The following SUGCT variants were observed in gnomAD, a reference collection of about 807,000 sequenced individuals.
SUGCT encodes the protein succinyl-CoA:glutarate CoA-transferase.
SUGCT carries 41 observed loss-of-function variants against 55.0 expected under a neutral mutation model. That is an observed-to-expected ratio of 0.74 (90% CI 0.58 to 0.97). The LOEUF (loss-of-function observed/expected upper bound fraction) is 0.97, where lower values mean the gene tolerates loss of function less well. Ranked by LOEUF, SUGCT falls within the 50% of genes least tolerant of loss-of-function variation. The probability of loss-of-function intolerance (pLI) is 0.00; values close to 1 mark genes in which losing one functional copy is unlikely to be tolerated. For missense variants in SUGCT, 568 were observed against 547.8 expected, an observed-to-expected ratio of 1.04 and a Z score of -0.37; for synonymous variants, 187 against 200.4, an observed-to-expected ratio of 0.93 and a Z score of 0.56.
intron 12 of SUGCT, among the ~76,000 whole-genome samples, chr7:40,571,993 A>G (rs1584016387): frequency 6.6e-6 from 1 of 152,158 alleles, no homozygotes; most frequent in Non-Finnish European, 1.5e-5. Flanking sequence ...CTTACCTCCA[A>G]ACCTCACTCC....
At chr7:40,154,871 T>A (rs1213442042) in intron 1 of SUGCT, among the ~76,000 whole-genome samples, 9 of 152,188 alleles carry the variant, frequency 5.9e-5, no homozygotes, top group Admixed American at 5.2e-4. Context: ...CCTTAAAAAT[T>A]AAAATGCACA....
the SUGCT span, among the ~76,000 whole-genome samples, chr7:40,951,824 G>C: frequency 1.3e-5 from 2 of 152,226 alleles, no homozygotes; most frequent in Admixed American, 1.3e-4. Flanking sequence ...GAGACAGTTT[G>C]TTATAATTTC....
chr7:40,344,023 A>G (rs1208182014), intron 9 of SUGCT, among the ~76,000 whole-genome samples: 1 of 152,116 alleles, frequency 6.6e-6, no homozygotes, highest in African/African-American at 2.4e-5. Flanking sequence ...GAGGTTGCGT[A>G]TTGGATATTC....
At chr7:40,278,697 CTCTCA>C (rs1792712667) in intron 8 of SUGCT, among the ~76,000 whole-genome samples, 1 of 151,754 alleles carries the variant, frequency 6.6e-6, no homozygotes, top group Non-Finnish European at 1.5e-5. Flanking sequence ...CTTTTTTTCT[CTCTCA>C]TCTTTCTTTA....
chr7:40,414,968 T>C (rs1038698971), intron 9 of SUGCT, among the ~76,000 whole-genome samples: 1 of 148,796 alleles, frequency 6.7e-6, no homozygotes, highest in African/African-American at 2.5e-5. Flanking sequence ...TTGCTAGAAC[T>C]CTGGGGGCGG....
intron 9 of SUGCT, among the ~76,000 whole-genome samples, chr7:40,425,762 A>G (rs186789331): frequency 3.3e-5 from 5 of 152,244 alleles, no homozygotes; most frequent in African/African-American, 1.2e-4. Flanking sequence ...GTATGTTCAC[A>G]TAACAATTAT....
Position 40,336,221 on chromosome 7 carries a change from T to C in SUGCT, c.816+19366T>C, listed in dbSNP as rs546732102. ...GGTCTAAGATTCTCTTTTTTTGTTG[T>C]ATCTCTGCCAGGCTTTGATATCAGG... On this transcript the variant is annotated intron_variant, in intron 9 of 13. Coordinates refer to ENST00000335693, the MANE Select transcript of SUGCT (RefSeq NM_001193313.2). 1.4e-4 allele frequency among the ~76,000 whole-genome samples: 21 copies of C among 152,278 alleles called. No individual in the cohort carries two copies. In the East Asian group the frequency reaches 4.1e-3, roughly 29 times the overall value.
chr7:40,914,062 GT>G, the SUGCT span, among the ~76,000 whole-genome samples: 80 of 143,848 alleles, frequency 5.6e-4, no homozygotes, highest in Middle Eastern at 3.7e-3. Flanking sequence ...TTTTTTTTCA[GT>G]TTTTTTTTTT....
intron 12 of SUGCT, among the ~76,000 whole-genome samples, chr7:40,641,695 CA>C (rs1485384327): frequency 6.6e-6 from 1 of 152,164 alleles, no homozygotes; most frequent in Non-Finnish European, 1.5e-5. Flanking sequence ...CAGGAAAATT[CA>C]AAAATGTTCC....
chr7:41,012,017 C>T, the SUGCT span, among the ~76,000 whole-genome samples: 1 of 152,130 alleles, frequency 6.6e-6, no homozygotes, highest in Non-Finnish European at 1.5e-5. Context: ...GCATCTTTCT[C>T]GAGTGCAGCC....
chr7:40,274,794 G>C (rs1792353539), intron 8 of SUGCT, 138 bp downstream of exon 8: 2 of 834,678 alleles, frequency 2.4e-6, no homozygotes, highest in South Asian at 3.6e-5. Flanking sequence ...GTTTCATTTT[G>C]ATGTACTTGT....
intron 1 of SUGCT, among the ~76,000 whole-genome samples, chr7:40,168,910 G>C (rs1395900237): frequency 6.6e-6 from 1 of 151,926 alleles, no homozygotes; most frequent in African/African-American, 2.4e-5. Context: ...TTTTGGCTTC[G>C]GTATCTGCTT....
chr7:40,420,266 G>T (rs1787234920), intron 9 of SUGCT, among the ~76,000 whole-genome samples: 1 of 152,082 alleles, frequency 6.6e-6, no homozygotes, highest in Non-Finnish European at 1.5e-5. Context: ...GGGAAAGGAA[G>T]GTATGTGAAA....
intron 12 of SUGCT, among the ~76,000 whole-genome samples, chr7:40,685,001 T>C (rs1239215274): frequency 1.3e-5 from 2 of 152,102 alleles, no homozygotes; most frequent in Non-Finnish European, 2.9e-5. Context: ...TGGATAATTT[T>C]TGTGTGTGTT....
At chr7:40,342,445 CCT>C (rs1214073900) in intron 9 of SUGCT, among the ~76,000 whole-genome samples, 2 of 152,062 alleles carry the variant, frequency 1.3e-5, no homozygotes, top group Non-Finnish European at 1.5e-5. Flanking sequence ...GCTACACACC[CCT>C]GTTTAGTTCG....
At chr7:40,609,338 G>A (rs529549187) in intron 12 of SUGCT, among the ~76,000 whole-genome samples, 9 of 151,884 alleles carry the variant, frequency 5.9e-5, no homozygotes, top group East Asian at 3.9e-4. Flanking sequence ...AGGCCGAGGC[G>A]GGCGGATCAC....
At chr7:40,479,215 A>G (rs1790884379) in intron 11 of SUGCT, among the ~76,000 whole-genome samples, 1 of 152,152 alleles carries the variant, frequency 6.6e-6, no homozygotes, top group South Asian at 2.1e-4. Flanking sequence ...TCTCTTTGAG[A>G]TACCGGTTCA....
the SUGCT span, among the ~76,000 whole-genome samples, chr7:41,007,635 T>C: frequency 6.6e-6 from 1 of 152,134 alleles, no homozygotes; most frequent in African/African-American, 2.4e-5. Flanking sequence ...TTTGAACTTT[T>C]GGTGAAAGAT....
chr7:40,504,482 T>G (rs552827689), intron 12 of SUGCT, among the ~76,000 whole-genome samples: 30 of 152,234 alleles, frequency 2.0e-4, no homozygotes, highest in African/African-American at 7.0e-4. Context: ...TTGTCCTGGC[T>G]GGAGTGCACT....
Sources: allele counts gnomAD v4.1 joint callset (sites outside exome capture counted in the v4.1 genomes callset), GRCh38; gene constraint gnomAD v4.1.1; transcripts MANE v1.5; gene names NCBI Gene and HGNC (gene_info 2026-07-23, HGNC 2026-07-21).